LRBA: variants seen among roughly 807,000 people sequenced by gnomAD.
LRBA encodes the protein LPS responsive beige-like anchor protein, also known as lipopolysaccharide-responsive and beige-like anchor protein.
Under a neutral mutation model 330.0 loss-of-function variants are expected in LRBA, and 176 were observed. That is an observed-to-expected ratio of 0.53 (90% CI 0.47 to 0.60). The LOEUF is 0.60. LRBA is among the 20% of genes least tolerant of loss of function. The probability of loss-of-function intolerance (pLI) is 0.00; values close to 1 mark genes in which losing one functional copy is unlikely to be tolerated. For synonymous variants in LRBA, 1,230 were observed against 1,193.0 expected (o/e 1.03, Z -0.64); for missense variants, 3,259 against 3,444.8 (o/e 0.95, Z 1.35).
At chr4:150,998,376 T>C (rs1422632975) in intron 2 of LRBA, among the ~76,000 whole-genome samples, 2 of 148,326 alleles carry the variant, frequency 1.3e-5, no homozygotes, top group African/African-American at 4.9e-5. Flanking sequence ...AAAAGAGAGA[T>C]AGGGTCTCAT....
chr4:150,331,778 T>C (rs1232142390), intron 48 of LRBA, among the ~76,000 whole-genome samples: 1 of 152,178 alleles, frequency 6.6e-6, no homozygotes, highest in East Asian at 1.9e-4. Flanking sequence ...AATTTGATTA[T>C]GTGACTCAAA....
At chr4:150,844,059 C>T in intron 28 of LRBA, 41 bp downstream of exon 28, 1 of 1,184,928 alleles carries the variant, frequency 8.4e-7, no homozygotes, top group Non-Finnish European at 1.2e-6. Context: ...AGGAAATATG[C>T]ATCAGTTAAG....
chr4:150,507,207 C>T (rs1231960823), intron 40 of LRBA, among the ~76,000 whole-genome samples: 2 of 151,680 alleles, frequency 1.3e-5, no homozygotes, highest in Admixed American at 1.3e-4. Context: ...TGACTTTCTT[C>T]ACAGAATTGG....
chr4:150,326,317 G>C (rs1507190), intron 48 of LRBA, among the ~76,000 whole-genome samples: 26,498 of 152,072 alleles, frequency 0.17, 2,781 homozygotes, highest in East Asian at 0.26. Flanking sequence ...GAGTAAAAAG[G>C]AGGAAAAAAG....
chr4:150,267,809 C>T (rs1165127537), intron 56 of LRBA, among the ~76,000 whole-genome samples: 7 of 152,114 alleles, frequency 4.6e-5, no homozygotes, highest in Admixed American at 4.6e-4. Context: ...CCTGTAATCC[C>T]AGCACTTTGG....
At chr4:150,716,346 C>T (rs1728199322) in intron 36 of LRBA, among the ~76,000 whole-genome samples, 1 of 152,086 alleles carries the variant, frequency 6.6e-6, no homozygotes, top group South Asian at 2.1e-4. Flanking sequence ...ACTAGTGAGG[C>T]TGAGGCAGAG....
chr4:150,588,054 G>C lies in LRBA; in HGVS notation c.6324C>G (p.Asp2108Glu). ...AACCCCTTCATCTTCTCACCTTGGGGTCGATTTTTTTGAAGTTAGGATCCT... is the reference window on the plus strand; with the variant it reads ...AACCCCTTCATCTTCTCACCTTGGGCTCGATTTTTTTGAAGTTAGGATCCT... ...DEEDPNFKKI[D>E]PKILAYTEGL... The change falls in exon 40 of 57, where the codon GAC becomes GAG. Residue 2108 changes from aspartate to glutamate, a missense_variant. Physicochemically the swap from Asp to Glu is conservative, Grantham distance 45. Coordinates refer to ENST00000651943, the MANE Select transcript of LRBA (RefSeq NM_001364905.1). 1 of 1,611,896 alleles carries C rather than the reference G, an allele frequency of 6.2e-7. No individual in the cohort carries two copies. The highest frequency in any genetic ancestry group is 8.5e-7 in the Non-Finnish European group (1 of 1,179,076).
chr4:150,719,719 A>G (rs1357375773), intron 36 of LRBA, among the ~76,000 whole-genome samples: 1 of 152,124 alleles, frequency 6.6e-6, no homozygotes, highest in Non-Finnish European at 1.5e-5. Context: ...AAATACAGAG[A>G]GAAACAAACT....
chr4:150,867,112 T>TAAAAA (rs202028551), intron 22 of LRBA, among the ~76,000 whole-genome samples: 25 of 122,750 alleles, frequency 2.0e-4, no homozygotes, highest in African/African-American at 7.2e-4. Flanking sequence ...TGGCTTAATT[T>TAAAAA]AAAAAAAAAA....
At chr4:150,906,170 AT>A (rs766052189) in intron 12 of LRBA, 126 bp downstream of exon 12, 1 of 806,460 alleles carries the variant, frequency 1.2e-6, no homozygotes, top group Non-Finnish European at 2.0e-6. Context: ...ACAAAATGTT[AT>A]TTTAGTTTAG....
rs1744312088 is a variant in LRBA at position 150,814,793 on chromosome 4, GT to G, written c.5305+2330del. Among the ~76,000 whole-genome samples the G allele has an allele frequency of 2.6e-5, 4 of 151,892 alleles. No individual in the cohort carries two copies. The South Asian group carries it at 8.3e-4, about 32-fold the overall frequency. ...TTATGAGCTGGATCAATGGTATAGG[GT>G]TTTGTAGATTTTGCCAATAAATGTA... is the stretch of plus-strand genomic sequence containing the variant. On this transcript the variant is annotated intron_variant, in intron 31 of 56. Transcript: ENST00000651943.
intron 34 of LRBA, among the ~76,000 whole-genome samples, chr4:150,795,955 T>C (rs1445807928): frequency 1.3e-5 from 2 of 151,960 alleles, no homozygotes; most frequent in East Asian, 1.9e-4. Flanking sequence ...ACCAACTAAT[T>C]TGTAAAGTTC....
chr4:150,271,475 C>G (rs991542100), intron 56 of LRBA, among the ~76,000 whole-genome samples: 2 of 146,528 alleles, frequency 1.4e-5, no homozygotes, highest in Non-Finnish European at 3.0e-5. Context: ...GCTTGAAATT[C>G]TTGCTGCCAG....
chr4:150,951,329 A>C (rs1333650839), intron 2 of LRBA, among the ~76,000 whole-genome samples: 1 of 152,160 alleles, frequency 6.6e-6, no homozygotes, highest in East Asian at 1.9e-4. Flanking sequence ...TTTCATTCAT[A>C]GTTCTCCACT....
chr4:150,685,420 A>ATATATATATATACT (rs1561514146), intron 36 of LRBA, among the ~76,000 whole-genome samples: 1 of 17,436 alleles, frequency 5.7e-5, no homozygotes, highest in African/African-American at 2.4e-4. Flanking sequence ...ATATATATAT[A>ATATATATATATACT]TTTTTTTTTT....
intron 46 of LRBA, among the ~76,000 whole-genome samples, chr4:150,427,596 TAGGAAGGAGAA>T (rs1297462403): frequency 2.6e-5 from 4 of 151,042 alleles, no homozygotes; most frequent in Non-Finnish European, 5.9e-5. Context: ...GGAGGGAAGA[TAGGAAGGAGAA>T]AGGAATGAGC....
Position 150,867,886 on chromosome 4 carries a change from A to G in LRBA, c.2574-23T>C, listed in dbSNP as rs985955413. 8 of 1,552,024 alleles carry G rather than the reference A, an allele frequency of 5.2e-6. No individual in the cohort carries two copies. The African/African-American group carries it at 1.1e-4, about 21-fold the overall frequency. ...CTCCTGAAAATTATGAGAGGGTACT[A>G]AATTACTGAAGAAAAAAAAATTATC... On this transcript the variant is annotated intron_variant, in intron 21 of 56. Transcript: ENST00000651943.
Position 150,282,553 on chromosome 4 carries a change from G to A in LRBA, c.8213C>T (p.Ser2738Leu). 1 of 1,614,078 alleles carries A rather than the reference G, an allele frequency of 6.2e-7. No homozygotes were observed. The change falls in exon 55 of 57, where the codon TCA (serine) becomes TTA (leucine). Residue 2738 changes from serine (S) to leucine (L), a missense_variant. Ser to Leu is a moderately radical substitution (Grantham distance 145). Transcript: ENST00000651943. ...NCLKPKLIQASREGHCVIFYE... is the reference protein window; with the variant it reads ...NCLKPKLIQALREGHCVIFYE... ...GAATATGACACAATGACCCTCTCTTGAAGCCTGAATGAGTTTTGGTTTCAG... is the reference window on the plus strand; with the variant it reads ...GAATATGACACAATGACCCTCTCTTAAAGCCTGAATGAGTTTTGGTTTCAG...
intron 37 of LRBA, among the ~76,000 whole-genome samples, chr4:150,642,494 C>T (rs1423276352): frequency 2.6e-5 from 4 of 151,772 alleles, no homozygotes; most frequent in South Asian, 4.2e-4. Flanking sequence ...GACATAATAG[C>T]TGTGAAGAGT....
Sources: gnomAD v4.1 joint callset for allele counts (sites outside exome capture counted in the v4.1 genomes callset) on GRCh38, gnomAD v4.1.1 for gene constraint, MANE v1.5 for transcripts, NCBI Gene and HGNC (gene_info 2026-07-23, HGNC 2026-07-21) for gene names.